The following KLHDC4 variants were observed in gnomAD, a reference collection of about 807,000 sequenced individuals.
KLHDC4 encodes kelch domain-containing protein 4.
KLHDC4 carries 90 observed loss-of-function variants against 62.4 expected under a neutral mutation model. The ratio of observed to expected loss-of-function variants is 1.44; its 90% confidence interval spans 1.22 to 1.72. The LOEUF (loss-of-function observed/expected upper bound fraction) is 1.72, where lower values mean the gene tolerates loss of function less well. KLHDC4 is among the 40% of genes most tolerant of loss of function. The pLI is 0.00. For synonymous variants in KLHDC4, 386 were observed against 284.4 expected (o/e 1.36, Z -3.59); for missense variants, 1,025 against 699.7 (o/e 1.47, Z -5.25).
chr16:87,730,558 C>T lies in KLHDC4; in HGVS notation c.593G>A (p.Ser198Asn). 1 of 1,611,454 alleles carries T rather than the reference C, an allele frequency of 6.2e-7. No individual in the cohort carries two copies. The highest frequency in any genetic ancestry group is 8.5e-7 in the Non-Finnish European group (1 of 1,179,352). Residue 198 changes from serine to asparagine, a missense_variant, in exon 6 of 12, where the codon AGT (serine) becomes AAT (asparagine). Physicochemically the swap from Ser to Asn is conservative, Grantham distance 46. Coordinates refer to ENST00000270583, the MANE Select transcript of KLHDC4 (RefSeq NM_017566.4). ...QLILFGGFHE[S>N]TRDYIYYNDV... ...TTCCGTTCTTGGTACCAACCGTGTA[C>T]TTTCATGGAAGCCACCAAACAGGAT...
chr16:87,756,567 C>G lies in KLHDC4; in HGVS notation c.192-90G>C, dbSNP rs140764107. On this transcript the variant is annotated intron_variant, in intron 2 of 11. Coordinates refer to ENST00000270583, the MANE Select transcript of KLHDC4 (RefSeq NM_017566.4). ...TTCCTCACAGAATCCTCTGTCACCA[C>G]AAACTGGCTGCCTCTACACTTCCTG... 2.7e-4 allele frequency: 256 copies of G among 931,504 alleles called. No individual in the cohort carries two copies. The African/African-American group carries it at 3.4e-3, about 12-fold the overall frequency. The allele number at this position is 931,504 out of a possible 1,614,324, so 57.7% of individuals were successfully genotyped here. A position where few individuals can be genotyped will look rare whatever the true frequency, so the allele number is the denominator to read the frequency against.
At chr16:87,730,057 G>A (rs113056928) in intron 6 of KLHDC4, among the ~76,000 whole-genome samples, 1,837 of 152,292 alleles carry the variant, frequency 0.012, 37 homozygotes, top group African/African-American at 0.042. Flanking sequence ...GGGTTCAAGC[G>A]ATTCTCCTGC....
chr16:87,748,576 A>C, intron 5 of KLHDC4, 97 bp downstream of exon 5: 1 of 1,488,678 alleles, frequency 6.7e-7, no homozygotes, highest in Non-Finnish European at 9.2e-7. Context: ...AGTTCCTCTG[A>C]ACCCTGGTAT....
In KLHDC4 at chr16:87,765,901, C is replaced by A; in HGVS notation, c.-11G>T. On this transcript the variant is annotated 5_prime_UTR_variant, in exon 1 of 12. Transcript: ENST00000270583. ...GCCCTTCTTGCCCATCTTGCCGGGT[C>A]CCAAGCCGCGACGGGACACCAGGAA... 1 of 1,550,944 alleles carries A rather than the reference C, an allele frequency of 6.4e-7. No homozygotes were observed. The highest frequency in any genetic ancestry group is 8.7e-7 in the Non-Finnish European group (1 of 1,146,790).
intron 5 of KLHDC4, 110 bp downstream of exon 5, chr16:87,748,563 C>T: frequency 7.1e-7 from 1 of 1,405,890 alleles, no homozygotes; most frequent in Non-Finnish European, 9.8e-7. Flanking sequence ...GGACTGTGAC[C>T]CAAGTTCCTC....
At chr16:87,700,623 A>G (rs1444875108) in exon 1 of KLHDC4, 1 of 184,872 alleles carries the variant, frequency 5.4e-6, no homozygotes, top group Non-Finnish European at 1.0e-5. Flanking sequence ...AACAGGGTGG[A>G]GGGAGGAGGG....
chr16:87,728,326 C>T (rs75789423), intron 6 of KLHDC4, among the ~76,000 whole-genome samples: 5,686 of 152,272 alleles, frequency 0.037, 347 homozygotes, highest in African/African-American at 0.13. Flanking sequence ...TAAAAGACTG[C>T]TACAGACCAC....
Position 87,713,815 on chromosome 16 carries a change from G to A in KLHDC4, c.835+683C>T, listed in dbSNP as rs1237920726. 3.9e-5 allele frequency among the ~76,000 whole-genome samples: 6 copies of A among 152,206 alleles called. 1 individual carries two copies. In the South Asian group the frequency reaches 1.2e-3, roughly 32 times the overall value. On this transcript the variant is annotated intron_variant, in intron 8 of 11. Transcript: ENST00000270583. ...TGTCATCCTTTTAAAAAGTCCCAGA[G>A]AATGATGATTGTTCCCCTGTGCTTT... is the stretch of plus-strand genomic sequence containing the variant.
At chr16:87,723,206 T>C (rs1025993824) in intron 7 of KLHDC4, among the ~76,000 whole-genome samples, 5 of 152,186 alleles carry the variant, frequency 3.3e-5, no homozygotes, top group Admixed American at 6.5e-5. Context: ...CTGACTTTTT[T>C]TTACACTCCA....
At chr16:87,748,547 G>A in intron 5 of KLHDC4, 126 bp downstream of exon 5, 1 of 1,222,130 alleles carries the variant, frequency 8.2e-7, no homozygotes, top group East Asian at 2.4e-5. Flanking sequence ...GCGAGGCTGG[G>A]CTCCAGGACT....
chr16:87,761,706 C>T (rs1378711894), intron 2 of KLHDC4, among the ~76,000 whole-genome samples: 1 of 152,182 alleles, frequency 6.6e-6, no homozygotes, highest in African/African-American at 2.4e-5. Flanking sequence ...AGTGGAGGAG[C>T]TTTCAAAGTT....
At chr16:87,744,424 A>G (rs1207656630) in intron 5 of KLHDC4, among the ~76,000 whole-genome samples, 1 of 151,724 alleles carries the variant, frequency 6.6e-6, no homozygotes, top group Non-Finnish European at 1.5e-5. Context: ...TCCAAAAAAA[A>G]AAAAAAAAAT....
intron 1 of KLHDC4, among the ~76,000 whole-genome samples, chr16:87,764,913 G>A (rs993588832): frequency 4.6e-5 from 7 of 151,960 alleles, no homozygotes; most frequent in African/African-American, 1.5e-4. Flanking sequence ...ATGAGGACAT[G>A]GAGAGATCAA....
intron 8 of KLHDC4, among the ~76,000 whole-genome samples, chr16:87,713,818 T>C (rs907398330): frequency 3.3e-5 from 5 of 152,188 alleles, no homozygotes; most frequent in African/African-American, 1.2e-4. Flanking sequence ...TCCCAGAGAA[T>C]GATGATTGTT....
chr16:87,753,137 G>C (rs1311538629), intron 4 of KLHDC4, among the ~76,000 whole-genome samples: 1 of 152,220 alleles, frequency 6.6e-6, no homozygotes, highest in Non-Finnish European at 1.5e-5. Context: ...AAAGTGGCAG[G>C]GCAGAGCACT....
At chr16:87,716,049 C>T (rs1462717625) in intron 7 of KLHDC4, among the ~76,000 whole-genome samples, 2 of 152,120 alleles carry the variant, frequency 1.3e-5, no homozygotes, top group African/African-American at 2.4e-5. Context: ...CTCTATGTCT[C>T]GTAGATATTG....
intron 7 of KLHDC4, among the ~76,000 whole-genome samples, chr16:87,720,040 G>A (rs1280438216): frequency 6.6e-6 from 1 of 152,218 alleles, no homozygotes; most frequent in African/African-American, 2.4e-5. Context: ...ACTTAGCTTA[G>A]CCTGCAGTGA....
At chr16:87,705,864 G>C (rs1012447695), downstream of KLHDC4, among the ~76,000 whole-genome samples, 3 of 152,228 alleles carry the variant, frequency 2.0e-5, no homozygotes, top group Non-Finnish European at 4.4e-5. Flanking sequence ...CTTCCAACCA[G>C]CTTAGCTGAG....
At chr16:87,736,086 A>G (rs2041259823) in intron 5 of KLHDC4, among the ~76,000 whole-genome samples, 1 of 152,206 alleles carries the variant, frequency 6.6e-6, no homozygotes, top group Non-Finnish European at 1.5e-5. Flanking sequence ...GGGTTCTGGG[A>G]AACAACACAT....
Sources: gnomAD v4.1 joint callset for allele counts (sites outside exome capture counted in the v4.1 genomes callset) on GRCh38, gnomAD v4.1.1 for gene constraint, MANE v1.5 for transcripts, NCBI Gene and HGNC (gene_info 2026-07-23, HGNC 2026-07-21) for gene names.